Variants in RAB3C observed in about 807,000 individuals in gnomAD.
RAB3C encodes the protein RAB3C, member RAS oncogene family, also known as ras-related protein Rab-3C.
Under a neutral mutation model 26.4 loss-of-function variants are expected in RAB3C, and 17 were observed. That is an observed-to-expected ratio of 0.64 (90% confidence interval 0.44 to 0.97). The LOEUF (loss-of-function observed/expected upper bound fraction) is 0.97. RAB3C is among the 50% of genes least tolerant of loss of function. The probability of loss-of-function intolerance (pLI) is 0.00; values close to 1 mark genes in which losing one functional copy is unlikely to be tolerated. For missense variants in RAB3C, 242 were observed against 281.9 expected (o/e 0.86, Z 1.01); for synonymous variants, 91 against 95.9 (o/e 0.95, Z 0.30).
At chr5:58,614,233 G>T (rs1746775530) in intron 1 of RAB3C, among the ~76,000 whole-genome samples, 1 of 152,042 alleles carries the variant, frequency 6.6e-6, no homozygotes, top group Non-Finnish European at 1.5e-5. Flanking sequence ...ATGTTCACAT[G>T]ACTTTAGTAT....
intron 2 of RAB3C, among the ~76,000 whole-genome samples, chr5:58,693,336 G>T (rs28400285): frequency 8.9e-6 from 1 of 111,772 alleles, no homozygotes; most frequent in African/African-American, 3.7e-5. Flanking sequence ...ATATATATGT[G>T]TATATATATA....
intron 3 of RAB3C, among the ~76,000 whole-genome samples, chr5:58,757,931 G>T (rs1009455495): frequency 4.6e-5 from 7 of 151,146 alleles, no homozygotes. Context: ...TGTTGTTGTT[G>T]TTGTTTTGTT....
At chr5:58,716,266 A>G (rs1749171630) in intron 2 of RAB3C, among the ~76,000 whole-genome samples, 1 of 152,110 alleles carries the variant, frequency 6.6e-6, no homozygotes, top group African/African-American at 2.4e-5. Flanking sequence ...ATTGGTTGAA[A>G]AATGAATGGG....
intron 1 of RAB3C, among the ~76,000 whole-genome samples, chr5:58,595,992 T>C (rs1746239096): frequency 6.6e-6 from 1 of 152,112 alleles, no homozygotes; most frequent in African/African-American, 2.4e-5. Flanking sequence ...TACTTTTGTT[T>C]TATCTAAGTT....
chr5:58,641,320 C>T (rs1747407803), intron 2 of RAB3C, among the ~76,000 whole-genome samples: 1 of 152,172 alleles, frequency 6.6e-6, no homozygotes, highest in Admixed American at 6.5e-5. Flanking sequence ...CCTGCTGTGG[C>T]CCACTTACGA....
At chr5:58,708,422 G>A (rs769655469) in intron 2 of RAB3C, among the ~76,000 whole-genome samples, 26 of 152,180 alleles carry the variant, frequency 1.7e-4, no homozygotes, top group Non-Finnish European at 4.4e-5. Context: ...TTGGAGCAGA[G>A]GGAAGAACAC....
chr5:58,589,978 G>C (rs1746094801), intron 1 of RAB3C, among the ~76,000 whole-genome samples: 1 of 152,140 alleles, frequency 6.6e-6, no homozygotes, highest in African/African-American at 2.4e-5. Flanking sequence ...CTGACAATCT[G>C]AATGAGTTTG....
chr5:58,586,572 A>T (rs1284386978), intron 1 of RAB3C, among the ~76,000 whole-genome samples: 1 of 152,112 alleles, frequency 6.6e-6, no homozygotes, highest in East Asian at 1.9e-4. Flanking sequence ...AGGGTCACGT[A>T]CTCTCTTACA....
intron 2 of RAB3C, among the ~76,000 whole-genome samples, chr5:58,639,596 A>G (rs1239239791): frequency 6.6e-6 from 1 of 152,102 alleles, no homozygotes; most frequent in African/African-American, 2.4e-5. Context: ...TCATGACTTC[A>G]TCTAAGCCTG....
Position 58,854,645 on chromosome 5 carries a change from G to A in RAB3C, c.*3294G>A, listed in dbSNP as rs1396078176. ...TTCTAATGACTGTGAAAGCTAGGAG[G>A]TTCTTCTAGTTCCTCCTTAGGGTCA... On this transcript the variant is annotated 3_prime_UTR_variant, in exon 5 of 5. Coordinates refer to ENST00000282878, the MANE Select transcript of RAB3C (RefSeq NM_138453.4). The A allele has an allele frequency of 1.3e-5, 2 of 152,168 alleles. No individual in the cohort carries two copies. Among genetic ancestry groups the A allele is most frequent in the East Asian group, 3.8e-4 (2 of 5,200 alleles). 9.4% of individuals were successfully genotyped at this position (152,168 alleles called of 1,614,324 possible).
chr5:58,717,083 C>T (rs1043931638), intron 2 of RAB3C, among the ~76,000 whole-genome samples: 4 of 152,006 alleles, frequency 2.6e-5, no homozygotes, highest in African/African-American at 9.7e-5. Flanking sequence ...TATGAGATAT[C>T]TCCGTATTTT....
At chr5:58,718,649 G>T (rs1749223131) in intron 2 of RAB3C, among the ~76,000 whole-genome samples, 1 of 151,988 alleles carries the variant, frequency 6.6e-6, no homozygotes. Flanking sequence ...AAAATCTGCT[G>T]GTATGAAAAG....
At chr5:58,803,818 T>C (rs951905978) in intron 3 of RAB3C, among the ~76,000 whole-genome samples, 2 of 152,162 alleles carry the variant, frequency 1.3e-5, no homozygotes, top group East Asian at 1.9e-4. Context: ...CCCAACACTT[T>C]GGGAGGCTGA....
intron 2 of RAB3C, among the ~76,000 whole-genome samples, chr5:58,687,156 T>C (rs990262157): frequency 3.9e-5 from 6 of 152,088 alleles, no homozygotes; most frequent in Admixed American, 1.3e-4. Flanking sequence ...TCTTCGTGAG[T>C]TGAAGCCCTT....
At chr5:58,725,018 A>C (rs1251104100) in intron 2 of RAB3C, among the ~76,000 whole-genome samples, 3 of 151,782 alleles carry the variant, frequency 2.0e-5, no homozygotes, top group African/African-American at 7.3e-5. Context: ...TATGCGCTTA[A>C]TTTTACCAGT....
intron 2 of RAB3C, among the ~76,000 whole-genome samples, chr5:58,670,007 T>C (rs944505459): frequency 9.2e-5 from 14 of 152,220 alleles, no homozygotes; most frequent in African/African-American, 3.1e-4. Flanking sequence ...TTTCACCATC[T>C]GCATGAATAT....
chr5:58,724,603 TTTTTA>T (rs995687510), intron 2 of RAB3C, among the ~76,000 whole-genome samples: 53 of 151,960 alleles, frequency 3.5e-4, no homozygotes, highest in Admixed American at 1.6e-3. Context: ...ATGATCTATC[TTTTTA>T]TTTTGTTTTC....
chr5:58,604,931 C>A (rs1345989523), intron 1 of RAB3C, among the ~76,000 whole-genome samples: 8 of 152,186 alleles, frequency 5.3e-5, no homozygotes, highest in African/African-American at 1.9e-4. Flanking sequence ...AGATGGATCC[C>A]TGTGGTGCCA....
chr5:58,590,636 G>A lies in RAB3C; in HGVS notation c.24+7404G>A, dbSNP rs911224008. Among the ~76,000 whole-genome samples, 24 of 152,018 alleles carry A rather than the reference G, an allele frequency of 1.6e-4. 1 individual carries two copies. The highest frequency in any genetic ancestry group is 5.3e-4 in the African/African-American group (22 of 41,386). On this transcript the variant is annotated intron_variant, in intron 1 of 4. Transcript: ENST00000282878. ...CAGCTCATTGCAATCTCTACCTCCTGGGTTCAAGCGATTCTCCTGCCTCAG... is the reference window on the plus strand; with the variant it reads ...CAGCTCATTGCAATCTCTACCTCCTAGGTTCAAGCGATTCTCCTGCCTCAG...
Sources: gnomAD v4.1 joint callset for allele counts (sites outside exome capture counted in the v4.1 genomes callset) on GRCh38, gnomAD v4.1.1 for gene constraint, MANE v1.5 for transcripts, NCBI Gene and HGNC (gene_info 2026-07-23, HGNC 2026-07-21) for gene names.